Variants in NCKAP1 observed in about 807,000 individuals in gnomAD.
NCKAP1 encodes nck-associated protein 1.
NCKAP1 carries 21 observed loss-of-function variants against 151.2 expected under a neutral mutation model. The observed-to-expected ratio is 0.14, with a 90% CI of 0.10 to 0.20. NCKAP1 has a LOEUF of 0.20. NCKAP1 is among the 10% of genes least tolerant of loss of function. The probability of loss-of-function intolerance (pLI) is 1.00; values close to 1 mark genes in which losing one functional copy is unlikely to be tolerated. For synonymous variants in NCKAP1, 484 were observed against 451.8 expected, an observed-to-expected ratio of 1.07 and a Z score of -0.90; for missense variants, 933 against 1,352.1, an observed-to-expected ratio of 0.69 and a Z score of 4.86.
intron 24 of NCKAP1, among the ~76,000 whole-genome samples, chr2:182,940,533 G>A (rs766767368): frequency 2.6e-5 from 4 of 151,906 alleles, no homozygotes; most frequent in Non-Finnish European, 5.9e-5. Context: ...TCCATCTCCC[G>A]GGTTCAAGCA....
intron 8 of NCKAP1, among the ~76,000 whole-genome samples, chr2:182,991,250 C>T (rs530103919): frequency 1.3e-5 from 2 of 152,126 alleles, no homozygotes; most frequent in Non-Finnish European, 2.9e-5. Flanking sequence ...CCAAAAAAGG[C>T]AAATGAATTT....
At chr2:182,956,746 T>A in intron 19 of NCKAP1, 153 bp from the exon 20 acceptor site, 1 of 717,606 alleles carries the variant, frequency 1.4e-6, no homozygotes, top group South Asian at 2.4e-5. Flanking sequence ...ATCTTTAAGG[T>A]TATAACTAAC....
intron 6 of NCKAP1, among the ~76,000 whole-genome samples, chr2:183,000,425 C>A (rs1474929101): frequency 1.3e-5 from 2 of 151,722 alleles, no homozygotes; most frequent in African/African-American, 4.8e-5. Flanking sequence ...TATAAAATAG[C>A]TAAATAAAAA....
intron 8 of NCKAP1, among the ~76,000 whole-genome samples, chr2:182,992,967 GATCA>G (rs931244806): frequency 4.0e-5 from 6 of 151,574 alleles, no homozygotes; most frequent in African/African-American, 1.5e-4. Flanking sequence ...TTTATTAAAG[GATCA>G]ATCCAAAAAA....
intron 17 of NCKAP1, among the ~76,000 whole-genome samples, chr2:182,963,392 C>T (rs1223240522): frequency 2.0e-5 from 3 of 152,060 alleles, no homozygotes; most frequent in Admixed American, 1.3e-4. Context: ...ACTTAAAATA[C>T]AAATCTGATT....
intron 27 of NCKAP1, 104 bp from the exon 28 acceptor site, chr2:182,929,003 T>C (rs1696705354): frequency 1.4e-6 from 1 of 729,494 alleles, no homozygotes; most frequent in Middle Eastern, 3.2e-4. Flanking sequence ...TGGTTTACTT[T>C]TTTTTTTGAA....
intron 26 of NCKAP1, among the ~76,000 whole-genome samples, chr2:182,933,947 C>T (rs1696817374): frequency 1.3e-5 from 2 of 151,964 alleles, no homozygotes; most frequent in African/African-American, 2.4e-5. Flanking sequence ...AATAGATTTT[C>T]AAAACAAAAA....
rs2105787845 is a variant in NCKAP1 at position 182,916,262 on chromosome 2, T to C, written c.*9440A>G. 6.6e-6 allele frequency: 1 copy of C among 150,744 alleles called. No individual in the cohort carries two copies. Among genetic ancestry groups the C allele is most frequent in the South Asian group, 2.1e-4 (1 of 4,760 alleles). 9.3% of individuals were successfully genotyped at this position (150,744 alleles called of 1,614,324 possible). A position where few individuals can be genotyped will look rare whatever the true frequency, so the allele number is the denominator to read the frequency against. The stretch of plus-strand genomic sequence containing the variant: ...AATCCCCAGCTGCCTGTATCTCTGA[T>C]GCTTCTCCACAGGAACAAAAAGAAA... On this transcript the variant is annotated 3_prime_UTR_variant, in exon 31 of 31. Coordinates refer to ENST00000361354, the MANE Select transcript of NCKAP1 (RefSeq NM_013436.5).
chr2:182,968,674 G>A (rs1697624924), intron 15 of NCKAP1, among the ~76,000 whole-genome samples: 1 of 152,198 alleles, frequency 6.6e-6, no homozygotes, highest in South Asian at 2.1e-4. Context: ...CACCTGCAGA[G>A]CTTAGGGAAA....
chr2:182,947,328 G>A (rs1697128368), intron 23 of NCKAP1, among the ~76,000 whole-genome samples: 1 of 152,170 alleles, frequency 6.6e-6, no homozygotes, highest in African/African-American at 2.4e-5. Flanking sequence ...TATGTAAAGA[G>A]GGCTGGGGAG....
Position 182,924,659 on chromosome 2 carries a change from T to C in NCKAP1, c.*1043A>G, listed in dbSNP as rs1696605251. The C allele has an allele frequency of 6.6e-6, 1 of 152,172 alleles. No individual in the cohort carries two copies. The highest frequency in any genetic ancestry group is 1.5e-5 in the Non-Finnish European group (1 of 68,012). 9.4% of individuals were successfully genotyped at this position (152,172 alleles called of 1,614,324 possible). Reference sequence around the variant, plus strand: ...TGACAGCATACAAGTTTTCTTTAAGTTCTTAATTTTTAAGAAGTATTGTGT... The same window carrying C: ...TGACAGCATACAAGTTTTCTTTAAGCTCTTAATTTTTAAGAAGTATTGTGT... On this transcript the variant is annotated 3_prime_UTR_variant, in exon 31 of 31. Coordinates refer to ENST00000361354, the MANE Select transcript of NCKAP1 (RefSeq NM_013436.5).
At chr2:182,981,066 T>G (rs1697927184) in intron 13 of NCKAP1, among the ~76,000 whole-genome samples, 178 bp downstream of exon 13, 1 of 152,234 alleles carries the variant, frequency 6.6e-6, no homozygotes, top group Non-Finnish European at 1.5e-5. Flanking sequence ...GCATAACACC[T>G]ATCACATTGG....
chr2:183,002,027 G>A lies in NCKAP1; in HGVS notation c.529C>T (p.Arg177Cys), dbSNP rs757520353. The A allele has an allele frequency of 1.7e-5, 27 of 1,613,504 alleles. No homozygotes were observed. Among genetic ancestry groups the A allele is most frequent in the South Asian group, 4.4e-5 (4 of 91,058 alleles). ...TAATCCACAATCATCTGGCCAAGGC[G>A]TGGGTATTCTCTGTCACTTAAAACA... is the stretch of plus-strand genomic sequence containing the variant. ...THGASDREYP[R>C]LGQMIVDYEN... The change falls in exon 6 of 31, where the codon CGC (arginine) becomes TGC (cysteine). Residue 177 changes from arginine to cysteine, a missense_variant. By Grantham distance (180) the Arg-to-Cys change is radical (BLOSUM62 -3). Transcript: ENST00000361354.
chr2:182,999,299 A>G (rs1345464982), intron 6 of NCKAP1, among the ~76,000 whole-genome samples: 3 of 152,190 alleles, frequency 2.0e-5, no homozygotes, highest in Admixed American at 2.0e-4. Flanking sequence ...TCAACAAGAA[A>G]AAATCAAACC....
chr2:182,978,220 T>G (rs1426662269), intron 14 of NCKAP1, among the ~76,000 whole-genome samples: 1 of 152,194 alleles, frequency 6.6e-6, no homozygotes, highest in East Asian at 1.9e-4. Context: ...GTTTTCAAGG[T>G]TTCTGATATC....
chr2:182,965,417 T>C (rs138070533), intron 16 of NCKAP1, among the ~76,000 whole-genome samples: 66 of 152,190 alleles, frequency 4.3e-4, no homozygotes, highest in African/African-American at 1.5e-3. Flanking sequence ...CTTAACCTCT[T>C]GGGCTCAAGC....
chr2:182,941,687 T>TATTTTGTATGTATGTA (rs1184626610), intron 24 of NCKAP1, among the ~76,000 whole-genome samples: 4 of 152,242 alleles, frequency 2.6e-5, no homozygotes, highest in Non-Finnish European at 5.9e-5. Context: ...GCTTAAATGG[T>TATTTTGTATGTATGTA]ACATTTTATT....
chr2:182,918,862 C>T lies in NCKAP1; in HGVS notation c.*6840G>A, dbSNP rs886076299. The T allele has an allele frequency of 4.6e-5, 7 of 152,134 alleles. No individual in the cohort carries two copies. Among genetic ancestry groups the T allele is most frequent in the African/African-American group, 1.7e-4 (7 of 41,414 alleles). The allele number at this position is 152,134 out of a possible 1,614,324, so 9.4% of individuals were successfully genotyped here. On this transcript the variant is annotated 3_prime_UTR_variant, in exon 31 of 31. Coordinates refer to ENST00000361354, the MANE Select transcript of NCKAP1 (RefSeq NM_013436.5). Reference sequence around the variant, plus strand: ...TTTTTAAAACATTAATTAAAAAATGCTATTGGTTAGAAAAGTCCACACTCA... The same window carrying T: ...TTTTTAAAACATTAATTAAAAAATGTTATTGGTTAGAAAAGTCCACACTCA...
At chr2:183,023,164 A>T (rs970692116) in intron 2 of NCKAP1, among the ~76,000 whole-genome samples, 2 of 152,208 alleles carry the variant, frequency 1.3e-5, no homozygotes, top group Non-Finnish European at 2.9e-5. Flanking sequence ...TGCCACACTG[A>T]GGCAAAAAAT....
Sources: allele counts gnomAD v4.1 joint callset (sites outside exome capture counted in the v4.1 genomes callset), GRCh38; gene constraint gnomAD v4.1.1; transcripts MANE v1.5; gene names NCBI Gene and HGNC (gene_info 2026-07-23, HGNC 2026-07-21).